The following ITM2C variants were observed in gnomAD, a reference collection of about 807,000 sequenced individuals.
ITM2C encodes the protein BRICHOS domain containing 2C.
Under a neutral mutation model 30.0 loss-of-function variants are expected in ITM2C, and 20 were observed. The observed-to-expected ratio is 0.67, with a 90% CI of 0.47 to 0.97. The LOEUF is 0.97. Among genes scored for constraint, ITM2C ranks in the 50% least tolerant of loss-of-function variants. The pLI, the probability that ITM2C is intolerant of heterozygous loss-of-function variation, is 0.00. For missense variants in ITM2C, 366 were observed against 371.9 expected (o/e 0.98, Z 0.13); for synonymous variants, 167 against 156.4 (o/e 1.07, Z -0.51).
Position 230,877,170 on chromosome 2 carries a change from A to G in ITM2C, c.561+203A>G, listed in dbSNP as rs1189767279. 6.6e-6 allele frequency among the ~76,000 whole-genome samples: 1 copy of G among 152,150 alleles called. No individual in the cohort carries two copies. Among genetic ancestry groups the G allele is most frequent in the East Asian group, 1.9e-4 (1 of 5,198 alleles). On this transcript the variant is annotated intron_variant, in intron 4 of 5. Transcript: ENST00000326427. The surrounding 1 kb of genome is among the most constrained non-coding windows in gnomAD (Gnocchi z 4.8). The stretch of plus-strand genomic sequence containing the variant: ...CCACATCTCCAGAGTCAATGCCCCG[A>G]GACCGGCTTCCTTAGTGTTCAAGGT...
intron 1 of ITM2C, among the ~76,000 whole-genome samples, chr2:230,870,402 A>T (rs1697135903): frequency 6.6e-6 from 1 of 152,178 alleles, no homozygotes; most frequent in Admixed American, 6.5e-5. Flanking sequence ...TCTGCTCATA[A>T]TGGTGCCTCT....
chr2:230,867,651 CTATTT>C (rs1012940010), intron 1 of ITM2C, among the ~76,000 whole-genome samples: 25 of 125,540 alleles, frequency 2.0e-4, no homozygotes, highest in Non-Finnish European at 2.9e-4. Flanking sequence ...TTTATTTTAT[CTATTT>C]TATTTTATTT....
Position 230,877,238 on chromosome 2 carries a change from C to T in ITM2C, c.562-162C>T, listed in dbSNP as rs1697325468. Among the ~76,000 whole-genome samples, 1 of 152,222 alleles carries T rather than the reference C, an allele frequency of 6.6e-6. No individual in the cohort carries two copies. On this transcript the variant is annotated intron_variant, in intron 4 of 5. Coordinates refer to ENST00000326427, the MANE Select transcript of ITM2C (RefSeq NM_030926.6). The surrounding 1 kb of genome is among the most constrained non-coding windows in gnomAD (Gnocchi z 4.8). Reference sequence around the variant, plus strand: ...CTCGTGCGCATGCCATTGCTCCTGGCAGCACAGGTGCAGGCACCGGGCACA... The same window carrying T: ...CTCGTGCGCATGCCATTGCTCCTGGTAGCACAGGTGCAGGCACCGGGCACA...
At chr2:230,866,250 G>A (rs1469758735) in intron 1 of ITM2C, among the ~76,000 whole-genome samples, 1 of 152,218 alleles carries the variant, frequency 6.6e-6, no homozygotes, top group Non-Finnish European at 1.5e-5. Context: ...ATTGAGGCAG[G>A]ACTGAGAAAG....
At chr2:230,873,364 G>A (rs1697212792) in intron 1 of ITM2C, 53 bp from the exon 2 acceptor site, 2 of 1,457,960 alleles carry the variant, frequency 1.4e-6, no homozygotes, top group East Asian at 5.1e-5. Flanking sequence ...GGGAAGGGGG[G>A]ATTTCCAGGG....
In ITM2C at chr2:230,876,897, A is replaced by G. The variant is rs750285370; in HGVS notation, c.491A>G (p.Tyr164Cys). Reference protein sequence around the residue: ...AYHDISLDKCYVIELNTTIVL... With the variant: ...AYHDISLDKCCVIELNTTIVL... The stretch of plus-strand genomic sequence containing the variant: ...CATGATATCTCCCTGGACAAGTGCT[A>G]TGTCATCGAACTCAACACCACCATT... Residue 164 changes from tyrosine to cysteine, a missense_variant, in exon 4 of 6, where the codon TAT becomes TGT. Coordinates refer to ENST00000326427, the MANE Select transcript of ITM2C (RefSeq NM_030926.6). 3.7e-6 allele frequency: 6 copies of G among 1,613,944 alleles called. No individual in the cohort carries two copies. The African/African-American group carries it at 5.3e-5, about 14-fold the overall frequency.
chr2:230,874,959 G>A (rs148841132), intron 2 of ITM2C, among the ~76,000 whole-genome samples: 4 of 152,326 alleles, frequency 2.6e-5, no homozygotes, highest in Non-Finnish European at 5.9e-5. Context: ...CAGGAAGGGC[G>A]ATGGCACTTG....
chr2:230,864,792 G>A (rs1696979940), upstream of ITM2C: 2 of 265,156 alleles, frequency 7.5e-6, no homozygotes, highest in Non-Finnish European at 1.3e-5. This position sits in a 1 kb window ranked among gnomAD's most constrained non-coding sequence, Gnocchi z 4.3. Flanking sequence ...CAGGTGCGGA[G>A]CGGCGCGCCC....
intron 2 of ITM2C, 148 bp downstream of exon 2, chr2:230,873,705 G>T (rs983350778): frequency 1.6e-5 from 12 of 730,458 alleles, no homozygotes; most frequent in Non-Finnish European, 2.3e-5. Flanking sequence ...CAAGACTGGG[G>T]TGCCCCCTCC....
rs553386380 is a variant in ITM2C at position 230,877,988 on chromosome 2, G to A, written c.713-20G>A. The stretch of plus-strand genomic sequence containing the variant: ...CAGCCAGGATGCAGGGCTCACTGGG[G>A]TTTTTCTTTTTCCTCCCAGGGATCA... On this transcript the variant is annotated intron_variant, in intron 5 of 5. Transcript: ENST00000326427. This position sits in a 1 kb window ranked among gnomAD's most constrained non-coding sequence, Gnocchi z 4.8. 1.9e-6 allele frequency: 3 copies of A among 1,607,162 alleles called. No homozygotes were observed. The highest frequency in any genetic ancestry group is 1.3e-5 in the African/African-American group (1 of 74,696).
intron 1 of ITM2C, among the ~76,000 whole-genome samples, chr2:230,870,301 G>A (rs1358298606): frequency 1.3e-5 from 2 of 152,256 alleles, no homozygotes; most frequent in Non-Finnish European, 2.9e-5. Context: ...TCTGTGTGGG[G>A]CTTTATGGAG....
chr2:230,873,761 T>G (rs932631671), intron 2 of ITM2C, among the ~76,000 whole-genome samples: 1 of 152,164 alleles, frequency 6.6e-6, no homozygotes, highest in African/African-American at 2.4e-5. Flanking sequence ...ATTTAGCCCC[T>G]TGTCCTGGGG....
In ITM2C at chr2:230,878,052, T is replaced by A; in HGVS notation, c.757T>A (p.Phe253Ile). ...CAAGAACTGCAATGCCATCCGCCAC[T>A]TCGAGAACACCTTCGTGGTGGAGAC... ...GAKNCNAIRH[F>I]ENTFVVETLI... Residue 253 changes from phenylalanine to isoleucine, a missense_variant, in exon 6 of 6, where the codon TTC (phenylalanine) becomes ATC (isoleucine). By Grantham distance (21) the Phe-to-Ile change is conservative (BLOSUM62 0). Transcript: ENST00000326427. The surrounding 1 kb of genome is among the most constrained non-coding windows in gnomAD (Gnocchi z 4.5). The A allele has an allele frequency of 9.3e-6, 15 of 1,609,070 alleles. No individual in the cohort carries two copies. The highest frequency in any genetic ancestry group is 1.2e-5 in the Non-Finnish European group (14 of 1,177,362).
chr2:230,867,289 T>C (rs143672978), intron 1 of ITM2C, among the ~76,000 whole-genome samples: 3 of 152,348 alleles, frequency 2.0e-5, no homozygotes, highest in African/African-American at 7.2e-5. Context: ...TGTTGCAAGT[T>C]GGCTCTGCCC....
At chr2:230,873,842 A>T (rs1248378810) in intron 2 of ITM2C, among the ~76,000 whole-genome samples, 1 of 152,200 alleles carries the variant, frequency 6.6e-6, no homozygotes, top group Non-Finnish European at 1.5e-5. Context: ...TCTCACCAGA[A>T]ACTCAGATCT....
chr2:230,875,685 G>A lies in ITM2C; in HGVS notation c.327G>A (p.Arg109=). The change falls in exon 3 of 6, where the codon CGG becomes CGA. Residue 109 remains arginine (R), a synonymous_variant. Transcript: ENST00000326427. ...LYEDSLSSQV[R]TQMELEEDVK... is the part of the protein sequence containing the mutation. ...AGGACTCCCTGTCCTCCCAGGTCCG[G>A]ACTCAGATGGAGCTGGAAGAGGATG... 1 of 1,613,924 alleles carries A rather than the reference G, an allele frequency of 6.2e-7. No homozygotes were observed. Among genetic ancestry groups the A allele is most frequent in the Non-Finnish European group, 8.5e-7 (1 of 1,179,898 alleles).
chr2:230,871,402 AC>A (rs1224977382), intron 1 of ITM2C, among the ~76,000 whole-genome samples: 2 of 152,156 alleles, frequency 1.3e-5, no homozygotes, highest in African/African-American at 4.8e-5. Flanking sequence ...GGAAGGTGTC[AC>A]CCCCGTCTCT....
At chr2:230,871,861 GC>G (rs1268237495) in intron 1 of ITM2C, among the ~76,000 whole-genome samples, 1 of 152,216 alleles carries the variant, frequency 6.6e-6, no homozygotes, top group Non-Finnish European at 1.5e-5. Flanking sequence ...GCTCCCCAGG[GC>G]CCAGGCCCCA....
chr2:230,873,276 C>G, intron 1 of ITM2C, 141 bp from the exon 2 acceptor site: 1 of 761,452 alleles, frequency 1.3e-6, no homozygotes, highest in Non-Finnish European at 1.9e-6. Context: ...CCTTCCTTTC[C>G]CTTCTAGGTG....
Sources: gnomAD v4.1 joint callset for allele counts (sites outside exome capture counted in the v4.1 genomes callset) on GRCh38, gnomAD v4.1.1 for gene constraint, Gnocchi (gnomAD v3.1) non-coding constraint, MANE v1.5 for transcripts, NCBI Gene and HGNC (gene_info 2026-07-23, HGNC 2026-07-21) for gene names.